The following MAGI1 variants were observed in gnomAD, a reference collection of about 807,000 sequenced individuals.
MAGI1 encodes membrane associated guanylate kinase, WW and PDZ domain containing 1.
MAGI1 carries 58 observed loss-of-function variants against 139.9 expected under a neutral mutation model. The ratio of observed to expected loss-of-function variants is 0.41; its 90% confidence interval spans 0.34 to 0.52. The LOEUF (loss-of-function observed/expected upper bound fraction) is 0.52. Among genes scored for constraint, MAGI1 ranks in the 20% least tolerant of loss-of-function variants. The pLI, the probability that MAGI1 is intolerant of heterozygous loss-of-function variation, is 0.12. For missense variants in MAGI1, 1,874 were observed against 1,901.6 expected (o/e 0.99, Z 0.27); for synonymous variants, 812 against 737.9 (o/e 1.10, Z -1.63).
At chr3:65,858,753 G>A (rs2059448772) in intron 1 of MAGI1, among the ~76,000 whole-genome samples, 1 of 152,158 alleles carries the variant, frequency 6.6e-6, no homozygotes, top group South Asian at 2.1e-4. Context: ...GACATGGGGT[G>A]AAACCACAGT....
At chr3:65,601,068 G>A (rs915765479) in intron 2 of MAGI1, among the ~76,000 whole-genome samples, 1 of 152,130 alleles carries the variant, frequency 6.6e-6, no homozygotes, top group Admixed American at 6.5e-5. Context: ...CTGAGTTCCC[G>A]GCACAGAGAA....
chr3:65,437,417 T>G (rs924963060), intron 9 of MAGI1, among the ~76,000 whole-genome samples, 170 bp from the exon 10 acceptor site: 1 of 151,984 alleles, frequency 6.6e-6, no homozygotes, highest in Non-Finnish European at 1.5e-5. Context: ...TTTTTTTTTT[T>G]TTCTTGTCTA....
intron 12 of MAGI1, among the ~76,000 whole-genome samples, chr3:65,406,493 C>G (rs147182679): frequency 6.6e-6 from 1 of 152,218 alleles, no homozygotes; most frequent in East Asian, 1.9e-4. Flanking sequence ...GAAAAATGTA[C>G]TATTTTTGTC....
chr3:65,970,020 C>A (rs2064947062), intron 1 of MAGI1, among the ~76,000 whole-genome samples: 1 of 152,038 alleles, frequency 6.6e-6, no homozygotes, highest in Non-Finnish European at 1.5e-5. Context: ...GTCATTAAAC[C>A]AACTCAGATG....
At chr3:65,401,935 A>AT in intron 12 of MAGI1, 2 of 982,316 alleles carry the variant, frequency 2.0e-6, no homozygotes, top group Non-Finnish European at 2.4e-6. Flanking sequence ...AATTAAAAAA[A>AT]TTTTTTTGGT....
intron 1 of MAGI1, among the ~76,000 whole-genome samples, chr3:66,014,024 C>A (rs2067490537): frequency 6.6e-6 from 1 of 152,140 alleles, no homozygotes; most frequent in East Asian, 1.9e-4. Flanking sequence ...CTCAATTTCC[C>A]TCATAAAAAT....
At chr3:65,603,246 T>C (rs1395877556) in intron 2 of MAGI1, among the ~76,000 whole-genome samples, 2 of 152,170 alleles carry the variant, frequency 1.3e-5, no homozygotes, top group African/African-American at 2.4e-5. Context: ...CTGTTTATTA[T>C]ATATTTTCTA....
intron 1 of MAGI1, among the ~76,000 whole-genome samples, chr3:65,915,575 C>A (rs192802356): frequency 6.6e-6 from 1 of 152,068 alleles, no homozygotes; most frequent in African/African-American, 2.4e-5. Context: ...AGAGGAAAAA[C>A]GATGAATAAC....
chr3:65,971,234 A>G (rs1466146294), intron 1 of MAGI1, among the ~76,000 whole-genome samples: 39 of 152,286 alleles, frequency 2.6e-4, no homozygotes, highest in Non-Finnish European at 1.5e-5. Flanking sequence ...GAACTATGAC[A>G]TTTGATGAAT....
At chr3:65,564,417 G>C (rs560577288) in intron 2 of MAGI1, among the ~76,000 whole-genome samples, 2 of 152,104 alleles carry the variant, frequency 1.3e-5, no homozygotes, top group Admixed American at 1.3e-4. Context: ...TTTCTTGTTT[G>C]CTGAATAGAT....
chr3:65,384,110 A>T (rs1219715048), intron 14 of MAGI1, among the ~76,000 whole-genome samples: 1 of 152,180 alleles, frequency 6.6e-6, no homozygotes, highest in African/African-American at 2.4e-5. Flanking sequence ...GCTTGGTTTA[A>T]ACAGACTTTC....
chr3:65,786,392 A>C (rs185265185), intron 1 of MAGI1, among the ~76,000 whole-genome samples: 146 of 150,824 alleles, frequency 9.7e-4, no homozygotes, highest in African/African-American at 3.3e-3. Flanking sequence ...CTGCAGCCTC[A>C]ACCTCCTAGT....
At chr3:65,610,623 A>T (rs372278365) in intron 2 of MAGI1, among the ~76,000 whole-genome samples, 2 of 151,532 alleles carry the variant, frequency 1.3e-5, no homozygotes, top group South Asian at 2.1e-4. Flanking sequence ...CAATTGATGA[A>T]ATCTAAGAAT....
intron 1 of MAGI1, among the ~76,000 whole-genome samples, chr3:65,938,916 T>G (rs1430716641): frequency 1.3e-5 from 2 of 152,192 alleles, no homozygotes; most frequent in Non-Finnish European, 2.9e-5. Context: ...TTAGTGAGGA[T>G]GCAACCATTG....
chr3:65,930,052 C>T (rs530659487), intron 1 of MAGI1, among the ~76,000 whole-genome samples: 26 of 152,216 alleles, frequency 1.7e-4, no homozygotes, highest in African/African-American at 6.3e-4. Context: ...CGCGTTGGCT[C>T]ACACCTGTAA....
At chr3:66,013,217 A>C (rs915423287) in intron 1 of MAGI1, among the ~76,000 whole-genome samples, 1 of 151,542 alleles carries the variant, frequency 6.6e-6, no homozygotes, top group Non-Finnish European at 1.5e-5. Flanking sequence ...CAGCCTGACC[A>C]ACATGGAGAA....
At chr3:65,638,161 T>C (rs1279517539) in intron 1 of MAGI1, among the ~76,000 whole-genome samples, 1 of 152,130 alleles carries the variant, frequency 6.6e-6, no homozygotes, top group African/African-American at 2.4e-5. Context: ...CTCCATTTCC[T>C]CATCAGAAAA....
In MAGI1 at chr3:65,498,456, G is replaced by C. The variant is rs116767123; in HGVS notation, c.431-4825C>G. On this transcript the variant is annotated intron_variant, in intron 2 of 22. Coordinates refer to ENST00000402939, the MANE Select transcript of MAGI1 (RefSeq NM_001033057.2). ...CAAAAAAGAAAAAAAAATATATAAC[G>C]CTGGGAAAAAAATAATAGCTTCCAT... Among the ~76,000 whole-genome samples the C allele has an allele frequency of 7.3e-3, 1,109 of 151,948 alleles. 9 individuals carry two copies. Among genetic ancestry groups the C allele is most frequent in the African/African-American group, 0.026 (1,072 of 41,438 alleles).
At chr3:66,007,891 ATTTTTTTTT>A (rs35578902) in intron 1 of MAGI1, among the ~76,000 whole-genome samples, 1 of 122,502 alleles carries the variant, frequency 8.2e-6, no homozygotes, top group African/African-American at 3.3e-5. Context: ...GGCTCCATAG[ATTTTTTTTT>A]TTTTTTTTTT....
Sources: gnomAD v4.1 joint callset for allele counts (sites outside exome capture counted in the v4.1 genomes callset) on GRCh38, gnomAD v4.1.1 for gene constraint, MANE v1.5 for transcripts, NCBI Gene and HGNC (gene_info 2026-07-23, HGNC 2026-07-21) for gene names.